Variants in PTBP3 observed in about 807,000 individuals in gnomAD.
PTBP3 encodes polypyrimidine tract binding protein 3, also known as polypyrimidine tract-binding protein 3.
A neutral mutation model predicts 58.7 loss-of-function variants in PTBP3; 20 were observed. That is an observed-to-expected ratio of 0.34 (90% confidence interval 0.24 to 0.50). PTBP3 has a LOEUF of 0.50. Ranked by LOEUF, PTBP3 falls within the 20% of genes least tolerant of loss-of-function variation. The probability of loss-of-function intolerance (pLI) is 0.98; values close to 1 mark genes in which losing one functional copy is unlikely to be tolerated. For synonymous variants in PTBP3, 185 were observed against 219.8 expected, an observed-to-expected ratio of 0.84 and a Z score of 1.40; for missense variants, 509 against 637.2, an observed-to-expected ratio of 0.80 and a Z score of 2.17.
Position 112,221,797 on chromosome 9 carries a change from A to C in PTBP3, c.*2054T>G. Reference sequence around the variant, plus strand: ...GGTGAGTGAATTCTGCTTTTTAAACAATCTGTATCATCTCTTGCAGTCTCT... The same window carrying C: ...GGTGAGTGAATTCTGCTTTTTAAACCATCTGTATCATCTCTTGCAGTCTCT... On this transcript the variant is annotated 3_prime_UTR_variant, in exon 14 of 14. Coordinates refer to ENST00000374257, the MANE Select transcript of PTBP3 (RefSeq NM_001163788.4). The C allele has an allele frequency of 3.0e-6, 3 of 985,292 alleles. No individual in the cohort carries two copies. The highest frequency in any genetic ancestry group is 3.6e-6 in the Non-Finnish European group (3 of 829,776). 61.0% of individuals were successfully genotyped at this position (985,292 alleles called of 1,614,324 possible). A position where few individuals can be genotyped will look rare whatever the true frequency, so the allele number is the denominator to read the frequency against.
the PTBP3 span, among the ~76,000 whole-genome samples, chr9:112,368,580 C>T: frequency 3.9e-5 from 6 of 152,078 alleles, no homozygotes; most frequent in African/African-American, 1.2e-4. Flanking sequence ...AATATAACTC[C>T]CTTGAGAAAA....
At chr9:112,236,844 T>G (rs980077108) in intron 7 of PTBP3, among the ~76,000 whole-genome samples, 5 of 152,088 alleles carry the variant, frequency 3.3e-5, no homozygotes, top group African/African-American at 1.2e-4. Context: ...ATGCCATGTC[T>G]CAAAAAGGAG....
chr9:112,268,726 A>T (rs1420840412), intron 3 of PTBP3, among the ~76,000 whole-genome samples: 4 of 151,986 alleles, frequency 2.6e-5, no homozygotes, highest in Middle Eastern at 3.4e-3. Context: ...AAAAAAAAAA[A>T]AAAAAAAAAG....
At chr9:112,267,435 C>T (rs1163102131) in intron 4 of PTBP3, among the ~76,000 whole-genome samples, 3 of 151,996 alleles carry the variant, frequency 2.0e-5, no homozygotes, top group African/African-American at 7.2e-5. Context: ...CCAAACCGCG[C>T]CCGGCCAAAA....
At chr9:112,241,015 A>G (rs893899712) in intron 7 of PTBP3, among the ~76,000 whole-genome samples, 1 of 152,248 alleles carries the variant, frequency 6.6e-6, no homozygotes, top group Non-Finnish European at 1.5e-5. Context: ...TTATTACGAA[A>G]GAGTCAAAAG....
the PTBP3 span, among the ~76,000 whole-genome samples, chr9:112,360,681 C>A: frequency 8.6e-4 from 131 of 152,206 alleles, no homozygotes; most frequent in Non-Finnish European, 1.5e-3. Context: ...CATCTTAAAA[C>A]TCAAATGGAA....
At chr9:112,366,683 T>C in the PTBP3 span, among the ~76,000 whole-genome samples, 3 of 152,092 alleles carry the variant, frequency 2.0e-5, no homozygotes, top group Admixed American at 1.3e-4. Context: ...TGGGCCCTCA[T>C]GGAGAACCGC....
chr9:112,247,773 T>C (rs887574096), intron 7 of PTBP3, among the ~76,000 whole-genome samples: 1 of 152,176 alleles, frequency 6.6e-6, no homozygotes, highest in Non-Finnish European at 1.5e-5. Flanking sequence ...CTTTGATAAT[T>C]AAACTGTATT....
chr9:112,330,214 A>C (rs1487404144), intron 1 of PTBP3, among the ~76,000 whole-genome samples: 4 of 152,218 alleles, frequency 2.6e-5, no homozygotes, highest in African/African-American at 7.2e-5. Flanking sequence ...TGATAATTTA[A>C]GTGAAACTTT....
the PTBP3 span, among the ~76,000 whole-genome samples, chr9:112,347,330 T>C: frequency 6.9e-6 from 1 of 144,706 alleles, no homozygotes; most frequent in Admixed American, 7.1e-5. Context: ...AAACTATATG[T>C]ACTGGGATAC....
rs1032198371 is a variant in PTBP3, at chr9:112,333,334, G to A, written c.-52+136C>T. The A allele has an allele frequency of 1.2e-5, 13 of 1,105,120 alleles. No individual in the cohort carries two copies. In the African/African-American group the frequency reaches 2.0e-4, roughly 17 times the overall value. 68.5% of individuals were successfully genotyped at this position (1,105,120 alleles called of 1,614,324 possible). On this transcript the variant is annotated intron_variant, in intron 1 of 13. Coordinates refer to ENST00000374257, the MANE Select transcript of PTBP3 (RefSeq NM_001163788.4). Reference sequence around the variant, plus strand: ...CACCGAGACGCCCGGAAGCCCCGCCGTCGGGCTTGGCCGGGGCCGCTCCTC... The same window carrying A: ...CACCGAGACGCCCGGAAGCCCCGCCATCGGGCTTGGCCGGGGCCGCTCCTC...
chr9:112,331,733 TA>T (rs1830387190), intron 1 of PTBP3, among the ~76,000 whole-genome samples: 1 of 152,246 alleles, frequency 6.6e-6, no homozygotes, highest in Non-Finnish European at 1.5e-5. Flanking sequence ...CTGCCTTGCA[TA>T]TTCAAACCAA....
At chr9:112,322,089 C>T (rs966991509) in intron 1 of PTBP3, among the ~76,000 whole-genome samples, 4 of 125,934 alleles carry the variant, frequency 3.2e-5, no homozygotes, top group Non-Finnish European at 4.7e-5. Context: ...GAGCTGAGAT[C>T]GTGCCATTGC....
At chr9:112,308,358 A>C (rs7863853) in intron 1 of PTBP3, among the ~76,000 whole-genome samples, 61 of 17,902 alleles carry the variant, frequency 3.4e-3, no homozygotes, top group Non-Finnish European at 4.0e-3. Flanking sequence ...ATTTAAAAAA[A>C]AAAAAAAAAA....
intron 7 of PTBP3, among the ~76,000 whole-genome samples, chr9:112,241,039 T>C (rs1166426980): frequency 6.6e-6 from 1 of 152,140 alleles, no homozygotes; most frequent in Non-Finnish European, 1.5e-5. Flanking sequence ...AAAATAAAAT[T>C]AAGAGTTTAT....
chr9:112,297,729 T>G, intron 2 of PTBP3, 103 bp downstream of exon 2: 1 of 929,166 alleles, frequency 1.1e-6, no homozygotes, highest in Non-Finnish European at 1.6e-6. Context: ...GCTTTTGTTA[T>G]GAACAGTGGC....
chr9:112,290,707 T>C (rs7849317), intron 2 of PTBP3, among the ~76,000 whole-genome samples: 40,873 of 108,426 alleles, frequency 0.38, 9,142 homozygotes, highest in African/African-American at 0.58. Flanking sequence ...TATATATATA[T>C]ACACACACAC....
chr9:112,244,005 G>A (rs1348153401), intron 7 of PTBP3, among the ~76,000 whole-genome samples: 1 of 151,880 alleles, frequency 6.6e-6, no homozygotes, highest in African/African-American at 2.4e-5. Context: ...GTAAAAGTAA[G>A]AAGTTCTCAG....
At chr9:112,379,498 GCT>G in the PTBP3 span, among the ~76,000 whole-genome samples, 49,323 of 152,008 alleles carry the variant, frequency 0.32, 8,358 homozygotes, top group Admixed American at 0.48. Context: ...TTTGCAGAGA[GCT>G]CTGTTCCAAG....
Sources: allele counts gnomAD v4.1 joint callset (sites outside exome capture counted in the v4.1 genomes callset), GRCh38; gene constraint gnomAD v4.1.1; transcripts MANE v1.5; gene names NCBI Gene and HGNC (gene_info 2026-07-23, HGNC 2026-07-21).